FGD1: variants seen among roughly 807,000 people sequenced by gnomAD.
FGD1 encodes the protein FYVE, RhoGEF and PH domain containing 1, also known as FYVE, RhoGEF and PH domain-containing protein 1.
Under a neutral mutation model 65.0 loss-of-function variants are expected in FGD1, and 12 were observed. That is an observed-to-expected ratio of 0.18 (90% CI 0.12 to 0.30). The LOEUF (loss-of-function observed/expected upper bound fraction) is 0.30. Among genes scored for constraint, FGD1 ranks in the 10% least tolerant of loss-of-function variants. The pLI, the probability that FGD1 is intolerant of heterozygous loss-of-function variation, is 1.00. For synonymous variants in FGD1, 333 were observed against 343.9 expected (o/e 0.97, Z 0.35); for missense variants, 542 against 837.6 (o/e 0.65, Z 4.36).
intron 15 of FGD1, 73 bp downstream of exon 15, chrX:54,449,070 C>G: frequency 8.3e-7 from 1 of 1,202,611 alleles, no homozygotes; most frequent in Non-Finnish European, 1.1e-6. Context: ...TTGGAGGGTA[C>G]CCACTCTGCA....
chrX:54,468,917 A>G (rs1186778690), intron 4 of FGD1, 41 bp from the exon 5 acceptor site: 1 of 997,696 alleles, frequency 1.0e-6, no homozygotes, highest in Non-Finnish European at 1.4e-6. Context: ...ATCATCCTCT[A>G]TCGTAACCCT....
chrX:54,483,260 C>T (rs1243936719), intron 1 of FGD1, among the ~76,000 whole-genome samples: 1 of 111,408 alleles, frequency 9.0e-6, no homozygotes, highest in Non-Finnish European at 1.9e-5. Flanking sequence ...CACACCCGCG[C>T]GGTGGGGGAG....
chrX:54,460,877 C>T (rs1308218571), intron 8 of FGD1, among the ~76,000 whole-genome samples: 2 of 112,768 alleles, frequency 1.8e-5, no homozygotes, highest in Non-Finnish European at 3.8e-5. Context: ...TTTATTGAGC[C>T]TTTACCATGT....
At position 54,447,371 on chromosome X, in the gene FGD1, C is replaced by T. The variant is rs371849177; in HGVS notation, c.2520G>A (p.Lys840=). The change falls in exon 17 of 18, where the codon AAG becomes AAA. Residue 840 remains lysine, a synonymous_variant. Coordinates refer to ENST00000375135, the MANE Select transcript of FGD1 (RefSeq NM_004463.3). ...YMEKGGKGWH[K]AWFVVPENEP... is the part of the protein sequence containing the mutation. ...CATTTTCAGGGACCACGAACCATGC[C>T]TTGTGCCATCCTTTGCCACCCTTCT... The T allele has an allele frequency of 1.7e-5, 20 of 1,210,564 alleles. No homozygotes were observed. In the African/African-American group the frequency reaches 3.1e-4, roughly 19 times the overall value.
At chrX:54,491,127 C>T (rs1923404935) in intron 1 of FGD1, among the ~76,000 whole-genome samples, 1 of 111,619 alleles carries the variant, frequency 9.0e-6, no homozygotes, top group African/African-American at 3.3e-5. Context: ...CCAATACCAG[C>T]CCTATTCCCC....
chrX:54,471,840 A>T (rs891242375), intron 1 of FGD1, among the ~76,000 whole-genome samples: 1 of 112,408 alleles, frequency 8.9e-6, no homozygotes, highest in Admixed American at 9.4e-5. Flanking sequence ...CTACAGCCAC[A>T]TAGGTATGCT....
intron 1 of FGD1, among the ~76,000 whole-genome samples, chrX:54,484,171 GT>G (rs1923219178): frequency 8.9e-6 from 1 of 112,086 alleles, no homozygotes; most frequent in African/African-American, 3.2e-5. Flanking sequence ...GGCACATGTT[GT>G]TCCCGTGACC....
At chrX:54,454,952 T>C (rs1239791900) in intron 12 of FGD1, among the ~76,000 whole-genome samples, 6 of 112,368 alleles carry the variant, frequency 5.3e-5, no homozygotes, top group Non-Finnish European at 1.1e-4. Flanking sequence ...CAATAATTTC[T>C]CAATATCTAA....
At chrX:54,478,536 C>G (rs1190436265) in intron 1 of FGD1, among the ~76,000 whole-genome samples, 8 of 111,516 alleles carry the variant, frequency 7.2e-5, no homozygotes, top group African/African-American at 2.3e-4. Flanking sequence ...AGGACTTGCA[C>G]AGACCTCAGT....
chrX:54,448,620 G>A (rs1569540981), intron 16 of FGD1, among the ~76,000 whole-genome samples, 186 bp downstream of exon 16: 1 of 112,419 alleles, frequency 8.9e-6, no homozygotes, highest in Non-Finnish European at 1.9e-5. Flanking sequence ...GTTACTGTGG[G>A]GATTAAATGT....
intron 4 of FGD1, 26 bp downstream of exon 4, chrX:54,469,990 G>C (rs774360274): frequency 4.2e-6 from 5 of 1,192,092 alleles, no homozygotes; most frequent in South Asian, 3.6e-5. Context: ...ACATGGACCT[G>C]CCTCTCGGTG....
At position 54,495,556 on chromosome X, in the gene FGD1, G is replaced by C. The variant is rs1466453025; in HGVS notation, c.-124C>G. ...CCTCAGGATCGGGGGGCGGGACTGCGGGCTCAGCCCCACTGCAGAGACTCA... is the reference window on the plus strand; with the variant it reads ...CCTCAGGATCGGGGGGCGGGACTGCCGGCTCAGCCCCACTGCAGAGACTCA... On this transcript the variant is annotated 5_prime_UTR_variant, in exon 1 of 18. Coordinates refer to ENST00000375135, the MANE Select transcript of FGD1 (RefSeq NM_004463.3). The C allele has an allele frequency of 1.1e-4, 44 of 417,654 alleles. No individual in the cohort carries two copies. The African/African-American group carries it at 1.1e-3, about 11-fold the overall frequency. The allele number at this position is 417,654 out of a possible 1,213,427, so 34.4% of individuals were successfully genotyped here.
At position 54,470,341 on chromosome X, in the gene FGD1, C is replaced by G. The variant is rs756611838; in HGVS notation, c.776G>C (p.Gly259Ala). The change falls in exon 4 of 18, where the codon GGT becomes GCT. Residue 259 changes from glycine (G) to alanine (A), a missense_variant. This residue lies in a region of FGD1 where 297 missense variants were observed against 326.8 expected (regional missense o/e 0.91). Coordinates refer to ENST00000375135, the MANE Select transcript of FGD1 (RefSeq NM_004463.3). ...SQPPVPQLPE[G>A]EASRCLFLLA... ...CAGAAACAGGCAGCGGGAGGCCTCACCCTCGGGGAGCTGGGGCACTGGTGG... is the reference window on the plus strand; with the variant it reads ...CAGAAACAGGCAGCGGGAGGCCTCAGCCTCGGGGAGCTGGGGCACTGGTGG... The G allele has an allele frequency of 8.3e-7, 1 of 1,208,787 alleles. No individual in the cohort carries two copies. Among genetic ancestry groups the G allele is most frequent in the Admixed American group, 2.2e-5 (1 of 45,797 alleles).
chrX:54,463,714 C>T (rs769491367), intron 8 of FGD1, among the ~76,000 whole-genome samples: 4 of 111,601 alleles, frequency 3.6e-5, no homozygotes, highest in African/African-American at 1.3e-4. Flanking sequence ...GCAACCTGTC[C>T]AGCACCCCAC....
chrX:54,495,461 T>G lies in FGD1; in HGVS notation c.-29A>C. On this transcript the variant is annotated 5_prime_UTR_variant, in exon 1 of 18. Transcript: ENST00000375135. The stretch of plus-strand genomic sequence containing the variant: ...CCGGGCCTGGGCGCGGGGCCCGAGC[T>G]CCCCGCTTGGCTCCAGCTCCTGGGG... 1 of 934,388 alleles carries G rather than the reference T, an allele frequency of 1.1e-6. No homozygotes were observed. Among genetic ancestry groups the G allele is most frequent in the Non-Finnish European group, 1.3e-6 (1 of 751,438 alleles). The allele number at this position is 934,388 out of a possible 1,213,427, so 77.0% of individuals were successfully genotyped here.
At chrX:54,448,147 T>G (rs1031392502) in intron 16 of FGD1, among the ~76,000 whole-genome samples, 2 of 111,978 alleles carry the variant, frequency 1.8e-5, no homozygotes, top group African/African-American at 6.5e-5. Flanking sequence ...TATATTGGTC[T>G]ACTTATCCTA....
chrX:54,465,021 TTTCTC>T (rs1922730212), intron 8 of FGD1, among the ~76,000 whole-genome samples: 1 of 108,252 alleles, frequency 9.2e-6, no homozygotes, highest in African/African-American at 3.4e-5. Flanking sequence ...CTCAGTTTCC[TTTCTC>T]ATTTGGTACA....
chrX:54,450,567 T>C lies in FGD1; in HGVS notation c.2016-266A>G, dbSNP rs139532240. On this transcript the variant is annotated intron_variant, in intron 12 of 17. Transcript: ENST00000375135. ...GGAGCTCATGGTCTAGTAGAGGAAATAGACAGGGACAATACAGGGAGATCA... is the reference window on the plus strand; with the variant it reads ...GGAGCTCATGGTCTAGTAGAGGAAACAGACAGGGACAATACAGGGAGATCA... Among the ~76,000 whole-genome samples, 66 of 111,287 alleles carry C rather than the reference T, an allele frequency of 5.9e-4. 1 individual carries two copies. Among genetic ancestry groups the C allele is most frequent in the African/African-American group, 2.0e-3 (61 of 30,631 alleles).
In FGD1 at chrX:54,477,779, T is replaced by C. The variant is rs1340002318; in HGVS notation, c.308-6292A>G. Among the ~76,000 whole-genome samples the C allele has an allele frequency of 4.5e-5, 5 of 111,828 alleles. No individual in the cohort carries two copies. The East Asian group carries it at 1.1e-3, about 25-fold the overall frequency. On this transcript the variant is annotated intron_variant, in intron 1 of 17. Transcript: ENST00000375135. The stretch of plus-strand genomic sequence containing the variant: ...AAACAAGGAATGTTTTAGTATAATA[T>C]GTCTCATGAATACTTATACTAACAA...
Sources: allele counts gnomAD v4.1 joint callset (sites outside exome capture counted in the v4.1 genomes callset), GRCh38; gene constraint gnomAD v4.1.1; regional missense constraint gnomAD v4.1.1; transcripts MANE v1.5; gene names NCBI Gene and HGNC (gene_info 2026-07-23, HGNC 2026-07-21).